The following AFF4 variants were observed in gnomAD, a reference collection of about 807,000 sequenced individuals.
AFF4 encodes the protein AF4/FMR2 family member 4.
In AFF4, 13 loss-of-function variants were observed where a neutral mutation model predicts 124.8. That is an observed-to-expected ratio of 0.10 (90% CI 0.07 to 0.17). AFF4 has a LOEUF of 0.17. AFF4 is among the 10% of genes least tolerant of loss of function. AFF4 has a pLI of 1.00. For missense variants in AFF4, 1,092 were observed against 1,403.8 expected (o/e 0.78, Z 3.55); for synonymous variants, 477 against 496.1 (o/e 0.96, Z 0.51).
chr5:132,913,158 G>A (rs1473501291), intron 5 of AFF4, among the ~76,000 whole-genome samples: 1 of 152,016 alleles, frequency 6.6e-6, no homozygotes, highest in African/African-American at 2.4e-5. Context: ...TAATATAAAA[G>A]TAAATTTTAC....
chr5:132,888,059 T>A, intron 15 of AFF4, 38 bp downstream of exon 15: 1 of 1,606,048 alleles, frequency 6.2e-7, no homozygotes, highest in Non-Finnish European at 8.5e-7. Context: ...TAAGTTAATT[T>A]GATTAAATAC....
chr5:132,885,069 T>A lies in AFF4; in HGVS notation c.3143+7A>T. On this transcript the variant is annotated splice_region_variant and intron_variant, in intron 19 of 20. Transcript: ENST00000265343. ...AATAATATTTTACATAATAAAATTT[T>A]ACCTACCTTCCCAAGCCAGGCGATG... is the stretch of plus-strand genomic sequence containing the variant. The A allele has an allele frequency of 6.3e-7, 1 of 1,588,666 alleles. No homozygotes were observed. The highest frequency in any genetic ancestry group is 8.6e-7 in the Non-Finnish European group (1 of 1,167,762).
chr5:132,922,088 TAC>T (rs1761061254), intron 5 of AFF4, among the ~76,000 whole-genome samples: 3 of 152,080 alleles, frequency 2.0e-5, no homozygotes. Flanking sequence ...ACCTACCATA[TAC>T]CTAACCACCC....
At chr5:132,924,408 T>A (rs952662672) in intron 5 of AFF4, among the ~76,000 whole-genome samples, 15 of 152,200 alleles carry the variant, frequency 9.9e-5, no homozygotes, top group African/African-American at 3.6e-4. Context: ...GCAAAACTTA[T>A]CTAGAGTGAC....
chr5:132,885,057 A>G lies in AFF4; in HGVS notation c.3143+19T>C. The G allele has an allele frequency of 3.2e-6, 5 of 1,570,234 alleles. No individual in the cohort carries two copies. The highest frequency in any genetic ancestry group is 4.3e-6 in the Non-Finnish European group (5 of 1,153,162). On this transcript the variant is annotated intron_variant, in intron 19 of 20. Coordinates refer to ENST00000265343, the MANE Select transcript of AFF4 (RefSeq NM_014423.4). ...TTTTATTGCCACAATAATATTTTAC[A>G]TAATAAAATTTTACCTACCTTCCCA...
chr5:132,937,095 G>C lies in AFF4; in HGVS notation c.95C>G (p.Ser32Cys), dbSNP rs756851918. The C allele has an allele frequency of 4.3e-6, 7 of 1,613,712 alleles. No individual in the cohort carries two copies. Among genetic ancestry groups the C allele is most frequent in the Admixed American group, 1.7e-5 (1 of 60,026 alleles). Reference sequence around the variant, plus strand: ...TTTGTATGGCTCTGCAAAGAGAGGAGAGCTAGGTGGGAAGGCGTCTTCGCC... The same window carrying C: ...TTTGTATGGCTCTGCAAAGAGAGGACAGCTAGGTGGGAAGGCGTCTTCGCC... Reference protein sequence around the residue: ...QQGEDAFPPSSPLFAEPYKVT... With the variant: ...QQGEDAFPPSCPLFAEPYKVT... The change falls in exon 2 of 21, where the codon TCT becomes TGT. Residue 32 changes from serine to cysteine, a missense_variant. By Grantham distance (112) the Ser-to-Cys change is moderately radical. Around this residue, in one of 11 missense-constraint regions of AFF4, gnomAD observed 46 missense variants for 49.0 expected, o/e 0.94. Transcript: ENST00000265343.
rs1339087872 is a variant in AFF4 at position 132,962,807 on chromosome 5, T to C, written c.-5+452A>G. ...TCGAAGGCGGAAATTTTTCCTTCTTTTTTTTTTTTTTTTGCGGGGGTGGGG... is the reference window on the plus strand; with the variant it reads ...TCGAAGGCGGAAATTTTTCCTTCTTCTTTTTTTTTTTTTGCGGGGGTGGGG... On this transcript the variant is annotated intron_variant, in intron 1 of 20. Transcript: ENST00000265343. Among the ~76,000 whole-genome samples, 4 of 146,088 alleles carry C rather than the reference T, an allele frequency of 2.7e-5. No individual in the cohort carries two copies. The South Asian group carries it at 6.3e-4, about 23-fold the overall frequency.
chr5:132,899,247 T>C (rs1418820526), intron 8 of AFF4, 106 bp from the exon 9 acceptor site: 8 of 1,049,244 alleles, frequency 7.6e-6, no homozygotes, highest in Non-Finnish European at 1.1e-5. Context: ...GATTCTCTAA[T>C]GTATGCAACA....
chr5:132,890,268 T>TTTTA (rs1760222111), intron 13 of AFF4, among the ~76,000 whole-genome samples: 1 of 151,948 alleles, frequency 6.6e-6, no homozygotes, highest in Admixed American at 6.6e-5. Flanking sequence ...TTTTCCTCTG[T>TTTTA]TTTATTTATT....
intron 1 of AFF4, among the ~76,000 whole-genome samples, chr5:132,959,933 T>C (rs1006273164): frequency 2.0e-5 from 3 of 151,848 alleles, no homozygotes; most frequent in Non-Finnish European, 2.9e-5. Flanking sequence ...CCCAGCTAAT[T>C]TTTTGTATTC....
At chr5:132,951,537 CT>C (rs1270898923) in intron 1 of AFF4, among the ~76,000 whole-genome samples, 2 of 151,940 alleles carry the variant, frequency 1.3e-5, no homozygotes, top group African/African-American at 4.8e-5. Context: ...TTTTCTTTTT[CT>C]TTTTTTTCAG....
chr5:132,916,930 G>GT (rs1166904120), intron 5 of AFF4, among the ~76,000 whole-genome samples: 2 of 150,118 alleles, frequency 1.3e-5, no homozygotes, highest in Non-Finnish European at 3.0e-5. Flanking sequence ...GTTTTTTTTT[G>GT]TTTTTTTGAG....
At position 132,890,975 on chromosome 5, in the gene AFF4, AGC is replaced by A. The variant is rs1581272879; in HGVS notation, c.2637+1187_2637+1188del. 2.0e-5 allele frequency among the ~76,000 whole-genome samples: 3 copies of A among 152,170 alleles called. No individual in the cohort carries two copies. In the East Asian group the frequency reaches 5.8e-4, roughly 29 times the overall value. The stretch of plus-strand genomic sequence containing the variant: ...ATAGCAGAATCCAAATGAGCAGGAG[AGC>A]TCACTTATTTAAAAGCAAATAAATA... On this transcript the variant is annotated intron_variant, in intron 13 of 20. Coordinates refer to ENST00000265343, the MANE Select transcript of AFF4 (RefSeq NM_014423.4).
At chr5:132,907,288 C>A (rs1305156364) in intron 5 of AFF4, among the ~76,000 whole-genome samples, 1 of 152,156 alleles carries the variant, frequency 6.6e-6, no homozygotes, top group African/African-American at 2.4e-5. Context: ...CAGCCCAAGT[C>A]TTAGTATGCG....
intron 5 of AFF4, among the ~76,000 whole-genome samples, chr5:132,918,359 T>TCA (rs758463628): frequency 4.7e-4 from 62 of 132,746 alleles, no homozygotes; most frequent in Middle Eastern, 7.1e-3. Context: ...AGACTCTGTC[T>TCA]CACACACACA....
chr5:132,914,446 C>G (rs535262649), intron 5 of AFF4, among the ~76,000 whole-genome samples: 4 of 151,678 alleles, frequency 2.6e-5, no homozygotes, highest in South Asian at 4.2e-4. Flanking sequence ...AATAAAAATA[C>G]AAAAATTAGC....
chr5:132,934,009 T>C (rs1456683927), intron 3 of AFF4, 138 bp downstream of exon 3: 7 of 1,000,564 alleles, frequency 7.0e-6, no homozygotes, highest in Non-Finnish European at 1.0e-5. Context: ...AGTCTGTCTT[T>C]ACATTTTTTT....
At chr5:132,897,289 T>G (rs751673946) in intron 10 of AFF4, 49 bp from the exon 11 acceptor site, 2 of 1,563,998 alleles carry the variant, frequency 1.3e-6, no homozygotes, top group Admixed American at 1.8e-5. Context: ...GAATGCTTTT[T>G]TCGTTCTCCC....
At chr5:132,930,429 T>G (rs554441386) in intron 4 of AFF4, among the ~76,000 whole-genome samples, 1 of 152,068 alleles carries the variant, frequency 6.6e-6, no homozygotes, top group East Asian at 1.9e-4. Context: ...AAAAAATACA[T>G]AGCAGAAAGA....
Sources: allele counts gnomAD v4.1 joint callset (sites outside exome capture counted in the v4.1 genomes callset), GRCh38; gene constraint gnomAD v4.1.1; regional missense constraint gnomAD v4.1.1; transcripts MANE v1.5; gene names NCBI Gene and HGNC (gene_info 2026-07-23, HGNC 2026-07-21).